MSX1: variants seen among roughly 807,000 people sequenced by gnomAD.
MSX1 encodes msh homeobox 1, also known as homeobox protein MSX-1.
Under a neutral mutation model 17.0 loss-of-function variants are expected in MSX1, and 11 were observed. The ratio of observed to expected loss-of-function variants is 0.65; its 90% CI spans 0.41 to 1.07. The LOEUF is 1.07. Ranked by LOEUF, MSX1 falls within the 50% of genes least tolerant of loss-of-function variation. The pLI, the probability that MSX1 is intolerant of heterozygous loss-of-function variation, is 0.00. For missense variants in MSX1, 477 were observed against 440.1 expected, an observed-to-expected ratio of 1.08 and a Z score of -0.75; for synonymous variants, 253 against 211.8, an observed-to-expected ratio of 1.19 and a Z score of -1.69.
At position 4,860,255 on chromosome 4, in the gene MSX1, C is replaced by T. The variant is rs1351809242; in HGVS notation, c.356C>T (p.Ser119Leu). 2.5e-6 allele frequency: 4 copies of T among 1,590,032 alleles called. No individual in the cohort carries two copies. Among genetic ancestry groups the T allele is most frequent in the African/African-American group, 1.4e-5 (1 of 74,022 alleles). The stretch of plus-strand genomic sequence containing the variant: ...TCGCCGCGGCCGCTCGGCCATTTCT[C>T]GGTGGGGGGACTCCTCAAGCTGCCA... Reference protein sequence around the residue: ...PSSPRPLGHFSVGGLLKLPED... With the variant: ...PSSPRPLGHFLVGGLLKLPED... The change falls in exon 1 of 2, where the codon TCG becomes TTG. Residue 119 changes from serine to leucine, a missense_variant. Ser to Leu is a moderately radical substitution (Grantham distance 145, BLOSUM62 -2). This residue lies in a region of MSX1 where 355 missense variants were observed against 306.1 expected (regional missense o/e 1.16). Coordinates refer to ENST00000382723, the MANE Select transcript of MSX1 (RefSeq NM_002448.3).
chr4:4,862,147 C>A (rs893647053), intron 1 of MSX1, among the ~76,000 whole-genome samples: 1 of 152,212 alleles, frequency 6.6e-6, no homozygotes, highest in Admixed American at 6.5e-5. Flanking sequence ...CCCGTAGGAG[C>A]GAAGTGTTCC....
rs1737985387 is a variant in MSX1, at chr4:4,863,741, T to C, written c.*598T>C. On this transcript the variant is annotated 3_prime_UTR_variant, in exon 2 of 2. Transcript: ENST00000382723. ...AGGTAGGTTGAAGGGACCTCTCTCT[T>C]ACCAGTACCAGAAACACAATTGTAA... The C allele has an allele frequency of 6.7e-6, 1 of 148,160 alleles. No homozygotes were observed. The highest frequency in any genetic ancestry group is 1.5e-5 in the Non-Finnish European group (1 of 67,470). 9.2% of individuals were successfully genotyped at this position (148,160 alleles called of 1,614,324 possible).
At position 4,860,387 on chromosome 4, in the gene MSX1, G is replaced by A. The variant is rs1737886789; in HGVS notation, c.469+19G>A. 22 of 1,598,254 alleles carry A rather than the reference G, an allele frequency of 1.4e-5. No individual in the cohort carries two copies. The highest frequency in any genetic ancestry group is 1.9e-5 in the Non-Finnish European group (22 of 1,177,436). ...CCGGCCAGTGAGTAGCCAGAACCCAGGCGCAGAGGGAGGGGGCCGGGTGGG... is the reference window on the plus strand; with the variant it reads ...CCGGCCAGTGAGTAGCCAGAACCCAAGCGCAGAGGGAGGGGGCCGGGTGGG... On this transcript the variant is annotated intron_variant, in intron 1 of 1. Transcript: ENST00000382723.
chr4:4,863,617 A>G lies in MSX1; in HGVS notation c.*474A>G, dbSNP rs1463672219. The G allele has an allele frequency of 4.0e-5, 6 of 148,386 alleles. No homozygotes were observed. Among genetic ancestry groups the G allele is most frequent in the African/African-American group, 1.2e-4 (5 of 40,390 alleles). The allele number at this position is 148,386 out of a possible 1,614,324, so 9.2% of individuals were successfully genotyped here. A position where few individuals can be genotyped will look rare whatever the true frequency, so the allele number is the denominator to read the frequency against. On this transcript the variant is annotated 3_prime_UTR_variant, in exon 2 of 2. Transcript: ENST00000382723. ...AAGAGAAAAAAAAGACTAGCCAGCC[A>G]GGAAGATGAATCCTAGCTTCTTCCA...
Position 4,860,248 on chromosome 4 carries a change from C to G in MSX1, c.349C>G (p.His117Asp), listed in dbSNP as rs1207807140. 6.3e-7 allele frequency: 1 copy of G among 1,587,714 alleles called. No individual in the cohort carries two copies. The highest frequency in any genetic ancestry group is 1.7e-5 in the Admixed American group (1 of 59,140). ...DAPSSPRPLG[H>D]FSVGGLLKLP... ...GCCCTCTTCGCCGCGGCCGCTCGGC[C>G]ATTTCTCGGTGGGGGGACTCCTCAA... Residue 117 changes from histidine to aspartate, a missense_variant, in exon 1 of 2, where the codon CAT becomes GAT. This residue lies in a region of MSX1 where 355 missense variants were observed against 306.1 expected (regional missense o/e 1.16). Transcript: ENST00000382723.
In MSX1 at chr4:4,860,361, G is replaced by T. The variant is rs749207547; in HGVS notation, c.462G>T (p.Pro154=). Residue 154 remains proline (P), a synonymous_variant, in exon 1 of 2, where the codon CCG becomes CCT. Transcript: ENST00000382723. ...PWMQSPRFSP[P]PARRLSPPAC... ...TGCAGAGCCCCCGCTTCTCCCCGCC[G>T]CCGGCCAGTGAGTAGCCAGAACCCA... 1 of 1,603,260 alleles carries T rather than the reference G, an allele frequency of 6.2e-7. No individual in the cohort carries two copies. The highest frequency in any genetic ancestry group is 1.1e-5 in the South Asian group (1 of 90,902).
chr4:4,860,937 G>A (rs1737903448), intron 1 of MSX1, among the ~76,000 whole-genome samples: 1 of 152,166 alleles, frequency 6.6e-6, no homozygotes, highest in African/African-American at 2.4e-5. Context: ...TGGAGGGGGC[G>A]GGGCACCAAG....
chr4:4,863,760 A>G lies in MSX1; in HGVS notation c.*617A>G, dbSNP rs1373895386. On this transcript the variant is annotated 3_prime_UTR_variant, in exon 2 of 2. Transcript: ENST00000382723. ...CTCTCTTACCAGTACCAGAAACACA[A>G]TTGTAAAATTAAAAAAAAAAAAAAA... is the stretch of plus-strand genomic sequence containing the variant. The G allele has an allele frequency of 4.2e-5, 4 of 95,470 alleles. No homozygotes were observed. The highest frequency in any genetic ancestry group is 2.0e-4 in the African/African-American group (4 of 20,386). The allele number at this position is 95,470 out of a possible 1,614,324, so 5.9% of individuals were successfully genotyped here.
At position 4,860,039 on chromosome 4, in the gene MSX1, A is replaced by G; in HGVS notation, c.140A>G (p.Glu47Gly). 1 of 1,509,940 alleles carries G rather than the reference A, an allele frequency of 6.6e-7. No individual in the cohort carries two copies. Among genetic ancestry groups the G allele is most frequent in the Non-Finnish European group, 8.8e-7 (1 of 1,130,106 alleles). 93.5% of individuals were successfully genotyped at this position (1,509,940 alleles called of 1,614,324 possible). A position where few individuals can be genotyped will look rare whatever the true frequency, so the allele number is the denominator to read the frequency against. Reference protein sequence around the residue: ...AATAAAMGADEEGAKPKVSPS... With the variant: ...AATAAAMGADGEGAKPKVSPS... ...ACGGCAGCCGCCATGGGCGCGGACGAGGAGGGGGCCAAGCCCAAAGTGTCC... is the reference window on the plus strand; with the variant it reads ...ACGGCAGCCGCCATGGGCGCGGACGGGGAGGGGGCCAAGCCCAAAGTGTCC... The change falls in exon 1 of 2, where the codon GAG (glutamate) becomes GGG (glycine). Residue 47 changes from glutamate (E) to glycine (G), a missense_variant. By Grantham distance (98) the Glu-to-Gly change is moderately conservative (BLOSUM62 -2). Around this residue, in one of 3 missense-constraint regions of MSX1, gnomAD observed 355 missense variants for 306.1 expected, o/e 1.16. Transcript: ENST00000382723.
At chr4:4,860,624 C>G (rs571891969) in intron 1 of MSX1, among the ~76,000 whole-genome samples, 84 of 152,332 alleles carry the variant, frequency 5.5e-4, no homozygotes, top group Non-Finnish European at 9.3e-4. Flanking sequence ...GCACCCTGTC[C>G]TCCTGCCCCC....
chr4:4,859,858 C>G lies in MSX1; in HGVS notation c.-42C>G. On this transcript the variant is annotated 5_prime_UTR_variant, in exon 1 of 2. Coordinates refer to ENST00000382723, the MANE Select transcript of MSX1 (RefSeq NM_002448.3). ...CAGCCCGCCCGGAGCCCATGCCCGG[C>G]GGCTGGCCAGTGCTGCGGCAGAAGG... is the stretch of plus-strand genomic sequence containing the variant. The G allele has an allele frequency of 7.0e-7, 1 of 1,430,286 alleles. No individual in the cohort carries two copies. The highest frequency in any genetic ancestry group is 1.5e-5 in the South Asian group (1 of 67,860). 88.6% of individuals were successfully genotyped at this position (1,430,286 alleles called of 1,614,324 possible).
Position 4,862,926 on chromosome 4 carries a change from A to T in MSX1, c.695A>T (p.Glu232Val). 1.2e-6 allele frequency: 2 copies of T among 1,613,442 alleles called. No individual in the cohort carries two copies. The highest frequency in any genetic ancestry group is 1.7e-6 in the Non-Finnish European group (2 of 1,179,990). Residue 232 changes from glutamate to valine, a missense_variant, in exon 2 of 2, where the codon GAG becomes GTG. Glu to Val is a moderately radical substitution (Grantham distance 121). Around this residue, in one of 3 missense-constraint regions of MSX1, gnomAD observed 114 missense variants for 106.3 expected, o/e 1.07. Transcript: ENST00000382723. Reference sequence around the variant, plus strand: ...CGCGCCAAGGCAAAGAGACTACAAGAGGCAGAGCTGGAGAAGCTGAAGATG... The same window carrying T: ...CGCGCCAAGGCAAAGAGACTACAAGTGGCAGAGCTGGAGAAGCTGAAGATG... Reference protein sequence around the residue: ...NRRAKAKRLQEAELEKLKMAA... With the variant: ...NRRAKAKRLQVAELEKLKMAA...
At chr4:4,862,679 T>A in intron 1 of MSX1, 22 bp from the exon 2 acceptor site, 3 of 1,546,742 alleles carry the variant, frequency 1.9e-6, no homozygotes, top group Non-Finnish European at 2.6e-6. Context: ...ACCCCTTGCT[T>A]TTTTTTTCTT....
rs1282492740 is a variant in MSX1 at position 4,859,683 on chromosome 4, G to A, written c.-217G>A. The A allele has an allele frequency of 5.1e-6, 1 of 196,300 alleles. No individual in the cohort carries two copies. The highest frequency in any genetic ancestry group is 1.0e-5 in the Non-Finnish European group (1 of 99,662). The allele number at this position is 196,300 out of a possible 1,614,324, so 12.2% of individuals were successfully genotyped here. A position where few individuals can be genotyped will look rare whatever the true frequency, so the allele number is the denominator to read the frequency against. On this transcript the variant is annotated 5_prime_UTR_variant, in exon 1 of 2. The change creates a new upstream start codon in the 5' untranslated region. Coordinates refer to ENST00000382723, the MANE Select transcript of MSX1 (RefSeq NM_002448.3). ...CCGCGGTAGGGCCCGGAGCCGGCGA[G>A]TGCTCCCGGGAACTCTGCCTGCGCG...
At position 4,859,821 on chromosome 4, in the gene MSX1, C is replaced by A. The variant is rs540547022; in HGVS notation, c.-79C>A. ...CAGGGCCCCGGGCGCTCGCAGAGGC[C>A]GGCCGCGCTCCCAGCCCGCCCGGAG... On this transcript the variant is annotated 5_prime_UTR_variant, in exon 1 of 2. Coordinates refer to ENST00000382723, the MANE Select transcript of MSX1 (RefSeq NM_002448.3). 2.7e-4 allele frequency: 350 copies of A among 1,278,226 alleles called. 1 individual carries two copies. The African/African-American group carries it at 5.3e-3, about 19-fold the overall frequency. 79.2% of individuals were successfully genotyped at this position (1,278,226 alleles called of 1,614,324 possible). A position where few individuals can be genotyped will look rare whatever the true frequency, so the allele number is the denominator to read the frequency against.
rs1280751813 is a variant in MSX1 at position 4,861,327 on chromosome 4, C to T, written c.469+959C>T. ...GACGTTTCTCTCGGCGCCCGCCCCT[C>T]GGGCGGCCCGGCGGAAAGCTAGTTG... On this transcript the variant is annotated intron_variant, in intron 1 of 1. Coordinates refer to ENST00000382723, the MANE Select transcript of MSX1 (RefSeq NM_002448.3). Among the ~76,000 whole-genome samples, 4 of 152,362 alleles carry T rather than the reference C, an allele frequency of 2.6e-5. No individual in the cohort carries two copies. In the East Asian group the frequency reaches 7.7e-4, roughly 29 times the overall value.
Position 4,860,358 on chromosome 4 carries a change from G to T in MSX1, c.459G>T (p.Pro153=), listed in dbSNP as rs756949296. 16 of 1,600,296 alleles carry T rather than the reference G, an allele frequency of 1.0e-5. No individual in the cohort carries two copies. Residue 153 remains proline (P), a synonymous_variant, in exon 1 of 2, where the codon CCG becomes CCT. Transcript: ENST00000382723. ...GGATGCAGAGCCCCCGCTTCTCCCC[G>T]CCGCCGGCCAGTGAGTAGCCAGAAC... ...TPWMQSPRFS[P]PPARRLSPPA...
At position 4,859,828 on chromosome 4, in the gene MSX1, G is replaced by T; in HGVS notation, c.-72G>T. 1 of 1,305,906 alleles carries T rather than the reference G, an allele frequency of 7.7e-7. No homozygotes were observed. The highest frequency in any genetic ancestry group is 9.8e-7 in the Non-Finnish European group (1 of 1,020,158). 80.9% of individuals were successfully genotyped at this position (1,305,906 alleles called of 1,614,324 possible). On this transcript the variant is annotated 5_prime_UTR_variant, in exon 1 of 2. Coordinates refer to ENST00000382723, the MANE Select transcript of MSX1 (RefSeq NM_002448.3). ...CCGGGCGCTCGCAGAGGCCGGCCGC[G>T]CTCCCAGCCCGCCCGGAGCCCATGC...
intron 1 of MSX1, 81 bp downstream of exon 1, chr4:4,860,449 G>A: frequency 6.7e-7 from 1 of 1,492,438 alleles, no homozygotes; most frequent in East Asian, 2.4e-5. Context: ...GCTCCTGGTG[G>A]CCTCCGGCGC....
Sources: gnomAD v4.1 joint callset for allele counts (sites outside exome capture counted in the v4.1 genomes callset) on GRCh38, gnomAD v4.1.1 for gene constraint, gnomAD v4.1.1 regional missense constraint, MANE v1.5 for transcripts, NCBI Gene and HGNC (gene_info 2026-07-23, HGNC 2026-07-21) for gene names.